Variants in BORCS5 observed in about 807,000 individuals in gnomAD.
The protein encoded by BORCS5 is BLOC-1-related complex subunit 5.
In BORCS5, 17 loss-of-function variants were observed where a neutral mutation model predicts 22.1. The ratio of observed to expected loss-of-function variants is 0.77; its 90% CI spans 0.53 to 1.15. The LOEUF is 1.15. Among genes scored for constraint, BORCS5 ranks in the 50% most tolerant of loss-of-function variants. The pLI is 0.00. For synonymous variants in BORCS5, 117 were observed against 99.8 expected (o/e 1.17, Z -1.03); for missense variants, 247 against 253.2 (o/e 0.98, Z 0.17).
At position 12,470,068 on chromosome 12, in the gene BORCS5, GTGT is replaced by G. The variant is rs202181522; in HGVS notation, c.*4306_*4308del. Among the ~76,000 whole-genome samples, 12 of 152,028 alleles carry G rather than the reference GTGT, an allele frequency of 7.9e-5. No homozygotes were observed. In the East Asian group the frequency reaches 9.7e-4, roughly 12 times the overall value. ...GGCGGATGAGCAGGTGAAGCTTCAC[GTGT>G]TGTTGTTGTTGTTTATTGAGATGGA... On this transcript the variant is annotated 3_prime_UTR_variant, in exon 4 of 4. Transcript: ENST00000314565.
chr12:12,430,412 A>C (rs1450796962), intron 2 of BORCS5, among the ~76,000 whole-genome samples: 3 of 152,004 alleles, frequency 2.0e-5, no homozygotes, highest in Non-Finnish European at 4.4e-5. Context: ...TGGCCTCCCA[A>C]AGTGCTGGGA....
At chr12:12,370,497 G>C (rs377282274) in intron 2 of BORCS5, among the ~76,000 whole-genome samples, 2 of 152,024 alleles carry the variant, frequency 1.3e-5, no homozygotes, top group African/African-American at 4.8e-5. Context: ...ATTCTTGCTT[G>C]AATTAATTAT....
chr12:12,391,268 C>T (rs1941176503), intron 2 of BORCS5, among the ~76,000 whole-genome samples: 1 of 152,050 alleles, frequency 6.6e-6, no homozygotes, highest in African/African-American at 2.4e-5. Context: ...ATGCTAGATA[C>T]TTATTGAAGA....
chr12:12,402,067 A>G (rs1297428630), intron 2 of BORCS5, among the ~76,000 whole-genome samples: 2 of 81,914 alleles, frequency 2.4e-5, no homozygotes, highest in East Asian at 7.3e-4. Context: ...CTCCGTCTCA[A>G]AAAAAAAAAA....
At chr12:12,410,960 C>A (rs928969346) in intron 2 of BORCS5, among the ~76,000 whole-genome samples, 2 of 151,958 alleles carry the variant, frequency 1.3e-5, no homozygotes, top group African/African-American at 4.8e-5. Flanking sequence ...TAAGTTGGAT[C>A]CCTAGGTATT....
At chr12:12,462,589 C>T (rs772309570) in intron 3 of BORCS5, among the ~76,000 whole-genome samples, 2 of 152,220 alleles carry the variant, frequency 1.3e-5, no homozygotes, top group Non-Finnish European at 2.9e-5. Flanking sequence ...ATTTCACAAA[C>T]AGCTTCGTGG....
chr12:12,449,439 T>C (rs988968322), intron 3 of BORCS5, among the ~76,000 whole-genome samples: 1 of 152,182 alleles, frequency 6.6e-6, no homozygotes, highest in Non-Finnish European at 1.5e-5. Context: ...GCAAGGCCTT[T>C]TGTGGGGAGG....
intron 2 of BORCS5, among the ~76,000 whole-genome samples, chr12:12,413,529 C>A (rs1941801829): frequency 6.7e-6 from 1 of 148,766 alleles, no homozygotes; most frequent in African/African-American, 2.5e-5. Context: ...TTTTCCCCAC[C>A]CTTCCTGCCT....
chr12:12,372,826 A>T (rs1427034939), intron 2 of BORCS5, among the ~76,000 whole-genome samples: 2 of 152,158 alleles, frequency 1.3e-5, no homozygotes, highest in Admixed American at 6.5e-5. Context: ...ACAAATTTAC[A>T]GATGATGTTT....
Position 12,357,157 on chromosome 12 carries a change from G to C in BORCS5, c.-295G>C, listed in dbSNP as rs1863156648. 2.6e-6 allele frequency: 4 copies of C among 1,532,638 alleles called. No homozygotes were observed. The highest frequency in any genetic ancestry group is 1.4e-5 in the African/African-American group (1 of 73,068). The allele number at this position is 1,532,638 out of a possible 1,614,324, so 94.9% of individuals were successfully genotyped here. Reference sequence around the variant, plus strand: ...GCGCCGCCCGCCGGCCGCAGGTGCGGCAAAGCCAGTGTCATCTGCCGGTTC... The same window carrying C: ...GCGCCGCCCGCCGGCCGCAGGTGCGCCAAAGCCAGTGTCATCTGCCGGTTC... On this transcript the variant is annotated 5_prime_UTR_variant, in exon 1 of 4. Coordinates refer to ENST00000314565, the MANE Select transcript of BORCS5 (RefSeq NM_058169.6).
At chr12:12,416,018 A>G (rs1941939736) in intron 2 of BORCS5, among the ~76,000 whole-genome samples, 1 of 152,170 alleles carries the variant, frequency 6.6e-6, no homozygotes, top group African/African-American at 2.4e-5. Flanking sequence ...TTATAGGTCT[A>G]TTCAGAGTTT....
intron 2 of BORCS5, among the ~76,000 whole-genome samples, chr12:12,415,333 G>A (rs1250638555): frequency 2.0e-5 from 3 of 150,832 alleles, no homozygotes; most frequent in Admixed American, 2.0e-4. Context: ...GATCACTCGC[G>A]GTTAGGAGCT....
At chr12:12,408,722 C>G (rs1157216932) in intron 2 of BORCS5, among the ~76,000 whole-genome samples, 2 of 152,068 alleles carry the variant, frequency 1.3e-5, no homozygotes, top group Non-Finnish European at 2.9e-5. Flanking sequence ...TTGCATAGGT[C>G]AGAATTTTCT....
intron 2 of BORCS5, among the ~76,000 whole-genome samples, chr12:12,422,232 C>G (rs1942147773): frequency 6.6e-6 from 1 of 152,044 alleles, no homozygotes; most frequent in East Asian, 1.9e-4. Flanking sequence ...ATTTAAGATC[C>G]TAACGTGGTA....
chr12:12,395,395 A>G (rs2136065070), intron 2 of BORCS5, among the ~76,000 whole-genome samples: 1 of 151,150 alleles, frequency 6.6e-6, no homozygotes, highest in African/African-American at 2.4e-5. Flanking sequence ...CAGCCTCCCA[A>G]GTAGCTGGGA....
At position 12,467,951 on chromosome 12, in the gene BORCS5, C is replaced by T. The variant is rs1047264912; in HGVS notation, c.*2175C>T. On this transcript the variant is annotated 3_prime_UTR_variant, in exon 4 of 4. Transcript: ENST00000314565. ...CGCAGAACTCTGCCTTTGGCTTTTC[C>T]AGACCCTGGGCCGGGTATGAGAACC... is the stretch of plus-strand genomic sequence containing the variant. The T allele has an allele frequency of 2.2e-4, 34 of 152,272 alleles. No individual in the cohort carries two copies. Among genetic ancestry groups the T allele is most frequent in the African/African-American group, 8.2e-4 (34 of 41,452 alleles). 9.4% of individuals were successfully genotyped at this position (152,272 alleles called of 1,614,324 possible).
intron 2 of BORCS5, among the ~76,000 whole-genome samples, chr12:12,412,698 G>C (rs960153198): frequency 6.6e-6 from 1 of 151,988 alleles, no homozygotes; most frequent in African/African-American, 2.4e-5. Context: ...CTTTATTCCT[G>C]ATCTTAGAGG....
rs1005761352 is a variant in BORCS5 at position 12,423,000 on chromosome 12, T to C, written c.203-12628T>C. Among the ~76,000 whole-genome samples the C allele has an allele frequency of 2.6e-5, 4 of 151,552 alleles. No homozygotes were observed. The East Asian group carries it at 7.7e-4, about 29-fold the overall frequency. ...CATGGGCTTTTTTTTTTTTATTTTT[T>C]ATTTATTTTTTTATTTTTTGAGATG... is the stretch of plus-strand genomic sequence containing the variant. On this transcript the variant is annotated intron_variant, in intron 2 of 3. Transcript: ENST00000314565.
intron 2 of BORCS5, among the ~76,000 whole-genome samples, chr12:12,431,612 G>A (rs1255037621): frequency 1.3e-5 from 2 of 152,038 alleles, no homozygotes; most frequent in Non-Finnish European, 2.9e-5. Context: ...ATGTTGGCCA[G>A]GATGGTCTTG....
Sources: gnomAD v4.1 joint callset for allele counts (sites outside exome capture counted in the v4.1 genomes callset) on GRCh38, gnomAD v4.1.1 for gene constraint, MANE v1.5 for transcripts, NCBI Gene and HGNC (gene_info 2026-07-23, HGNC 2026-07-21) for gene names.